The following NPTN variants were observed in gnomAD, a reference collection of about 807,000 sequenced individuals.
The protein encoded by NPTN is SDR-1.
Under a neutral mutation model 42.7 loss-of-function variants are expected in NPTN, and 5 were observed. That is an observed-to-expected ratio of 0.12 (90% CI 0.06 to 0.25). NPTN has a LOEUF of 0.25. Ranked by LOEUF, NPTN falls within the 10% of genes least tolerant of loss-of-function variation. The probability of loss-of-function intolerance (pLI) is 1.00; values close to 1 mark genes in which losing one functional copy is unlikely to be tolerated. For synonymous variants in NPTN, 180 were observed against 201.9 expected (o/e 0.89, Z 0.92); for missense variants, 307 against 525.4 (o/e 0.58, Z 4.06).
At chr15:73,567,194 C>T in intron 6 of NPTN, 5 of 985,198 alleles carry the variant, frequency 5.1e-6, no homozygotes, top group Non-Finnish European at 6.0e-6. Context: ...TTACCAAGAA[C>T]TCACAGACTG....
intron 3 of NPTN, among the ~76,000 whole-genome samples, chr15:73,591,193 C>T (rs1333563982): frequency 6.6e-6 from 1 of 152,182 alleles, no homozygotes; most frequent in Non-Finnish European, 1.5e-5. Flanking sequence ...CTGCAATATC[C>T]TGCAGAATGC....
chr15:73,607,546 C>CT (rs1491508158), intron 1 of NPTN, among the ~76,000 whole-genome samples: 1 of 152,094 alleles, frequency 6.6e-6, no homozygotes, highest in Non-Finnish European at 1.5e-5. Flanking sequence ...TTCTCCCCAC[C>CT]TTTTTTTAAA....
rs774310451 is a variant in NPTN at position 73,569,983 on chromosome 15, A to G, written c.1114+167T>C. ...TAAAAATAAAATAAAAATAAAAAAT[A>G]AAAATAAAAAACTCTTACGGGTAGG... On this transcript the variant is annotated intron_variant, in intron 6 of 8. Coordinates refer to ENST00000345330, the MANE Select transcript of NPTN (RefSeq NM_012428.4). The surrounding 1 kb of genome is among the most constrained non-coding windows in gnomAD (Gnocchi z 4.1). Among the ~76,000 whole-genome samples, 1 of 152,166 alleles carries G rather than the reference A, an allele frequency of 6.6e-6. No homozygotes were observed. The highest frequency in any genetic ancestry group is 1.5e-5 in the Non-Finnish European group (1 of 68,026).
At chr15:73,579,182 G>A (rs1242807545) in intron 4 of NPTN, among the ~76,000 whole-genome samples, 1 of 151,208 alleles carries the variant, frequency 6.6e-6, no homozygotes, top group African/African-American at 2.4e-5. Flanking sequence ...GGGAGGCTGA[G>A]GCAGGAGAAT....
chr15:73,569,543 G>A lies in NPTN; in HGVS notation c.1114+607C>T. 1 of 985,422 alleles carries A rather than the reference G, an allele frequency of 1.0e-6. No individual in the cohort carries two copies. The highest frequency in any genetic ancestry group is 1.2e-6 in the Non-Finnish European group (1 of 829,932). The allele number at this position is 985,422 out of a possible 1,614,324, so 61.0% of individuals were successfully genotyped here. A position where few individuals can be genotyped will look rare whatever the true frequency, so the allele number is the denominator to read the frequency against. On this transcript the variant is annotated intron_variant, in intron 6 of 8. Coordinates refer to ENST00000345330, the MANE Select transcript of NPTN (RefSeq NM_012428.4). This position sits in a 1 kb window ranked among gnomAD's most constrained non-coding sequence, Gnocchi z 4.1. ...ACATCAGACTCTCCTTTGTCTGTGA[G>A]ACACAGATGGAAAGCCACCCAGCAG...
Position 73,569,925 on chromosome 15 carries a change from A to C in NPTN, c.1114+225T>G. 2.5e-5 allele frequency: 12 copies of C among 479,594 alleles called. No individual in the cohort carries two copies. Among genetic ancestry groups the C allele is most frequent in the Non-Finnish European group, 3.3e-5 (12 of 367,814 alleles). The allele number at this position is 479,594 out of a possible 1,614,324, so 29.7% of individuals were successfully genotyped here. ...AACACCCAAACAGAGGGAGAGAGCT[A>C]AGGACAGCTCTAGATGGCTAATGCA... is the stretch of plus-strand genomic sequence containing the variant. On this transcript the variant is annotated intron_variant, in intron 6 of 8. Coordinates refer to ENST00000345330, the MANE Select transcript of NPTN (RefSeq NM_012428.4). The surrounding 1 kb of genome is among the most constrained non-coding windows in gnomAD (Gnocchi z 4.1).
rs150223428 is a variant in NPTN, at chr15:73,592,046, G to A, written c.531C>T (p.His177=). The change falls in exon 3 of 9, where the codon CAC becomes CAT. Residue 177 remains histidine, a synonymous_variant. Transcript: ENST00000345330. ...TTGTCCAGTAGCTGTATGTAAGGGT[G>A]TGAGAGCTGGAGGTGAGGTTACACT... ...TLQCNLTSSS[H]TLTYSYWTKN... The A allele has an allele frequency of 1.3e-4, 202 of 1,614,134 alleles. No homozygotes were observed. In the African/African-American group the frequency reaches 2.5e-3, roughly 20 times the overall value.
At position 73,606,520 on chromosome 15, in the gene NPTN, T is replaced by C. The variant is rs78488076; in HGVS notation, c.92-9151A>G. On this transcript the variant is annotated intron_variant, in intron 1 of 8. Transcript: ENST00000345330. Reference sequence around the variant, plus strand: ...ATAAGCTATATCTTAAAGAGAGTTATTAATGAAAGGTCTGGTTCAAATATG... The same window carrying C: ...ATAAGCTATATCTTAAAGAGAGTTACTAATGAAAGGTCTGGTTCAAATATG... Among the ~76,000 whole-genome samples the C allele has an allele frequency of 5.8e-3, 887 of 152,268 alleles. 6 individuals are homozygous for C. The highest frequency in any genetic ancestry group is 0.02 in the African/African-American group (845 of 41,548).
intron 1 of NPTN, among the ~76,000 whole-genome samples, chr15:73,623,595 G>A (rs1898243243): frequency 6.6e-6 from 1 of 152,190 alleles, no homozygotes. Context: ...GCTGAGGCAG[G>A]AGGATCACCT....
intron 7 of NPTN, among the ~76,000 whole-genome samples, chr15:73,562,989 G>GAAA (rs200404677): frequency 2.8e-5 from 4 of 142,872 alleles, no homozygotes; most frequent in African/African-American, 1.0e-4. Flanking sequence ...CACAAAATTT[G>GAAA]AAAAAAAAAA....
intron 3 of NPTN, among the ~76,000 whole-genome samples, chr15:73,589,924 A>C (rs1386890173): frequency 6.6e-6 from 1 of 151,860 alleles, no homozygotes; most frequent in Non-Finnish European, 1.5e-5. Context: ...GAGTTTGAGG[A>C]AGGAGCAGCA....
At chr15:73,593,437 T>C (rs530167372) in intron 2 of NPTN, among the ~76,000 whole-genome samples, 2 of 152,330 alleles carry the variant, frequency 1.3e-5, no homozygotes, top group Non-Finnish European at 1.5e-5. Flanking sequence ...TCAGAAACCC[T>C]TGACTGACTT....
At position 73,569,082 on chromosome 15, in the gene NPTN, C is replaced by T. The variant is rs1895217773; in HGVS notation, c.1114+1068G>A. On this transcript the variant is annotated intron_variant, in intron 6 of 8. Transcript: ENST00000345330. This position sits in a 1 kb window ranked among gnomAD's most constrained non-coding sequence, Gnocchi z 4.1. ...AGGCCCCAGAACAGCTGGACTACAG[C>T]TGGCAACCCCACCATCACCCCGGGT... 2 of 985,768 alleles carry T rather than the reference C, an allele frequency of 2.0e-6. No individual in the cohort carries two copies. 61.1% of individuals were successfully genotyped at this position (985,768 alleles called of 1,614,324 possible). A position where few individuals can be genotyped will look rare whatever the true frequency, so the allele number is the denominator to read the frequency against.
intron 4 of NPTN, among the ~76,000 whole-genome samples, chr15:73,579,805 T>C (rs917871296): frequency 1.3e-5 from 2 of 152,130 alleles, no homozygotes; most frequent in African/African-American, 4.8e-5. Flanking sequence ...GAGTGAGCTG[T>C]ACACATGGAG....
intron 6 of NPTN, among the ~76,000 whole-genome samples, chr15:73,564,623 A>G (rs745417090): frequency 4.6e-5 from 7 of 152,192 alleles, no homozygotes; most frequent in Non-Finnish European, 8.8e-5. Context: ...ACTTAAGGAC[A>G]CCCAAGACAT....
chr15:73,619,348 T>C (rs1898017264), intron 1 of NPTN, among the ~76,000 whole-genome samples: 1 of 152,152 alleles, frequency 6.6e-6, no homozygotes, highest in South Asian at 2.1e-4. Flanking sequence ...CAAGAAAATG[T>C]AAAACTTTCA....
intron 1 of NPTN, among the ~76,000 whole-genome samples, chr15:73,600,832 T>A (rs1470375833): frequency 6.6e-6 from 1 of 152,162 alleles, no homozygotes; most frequent in Non-Finnish European, 1.5e-5. Flanking sequence ...GTCAAAGAGT[T>A]CTTAAAGCAA....
In NPTN at chr15:73,596,944, G is replaced by A. The variant is rs1896861486; in HGVS notation, c.439+78C>T. The A allele has an allele frequency of 5.0e-6, 6 of 1,195,024 alleles. No homozygotes were observed. In the East Asian group the frequency reaches 1.5e-4, roughly 30 times the overall value. The allele number at this position is 1,195,024 out of a possible 1,614,324, so 74.0% of individuals were successfully genotyped here. ...GGTGAGTGATCATACTGGGGAAGAG[G>A]GAAAGGATGCAGAAGGGAAGGGTCA... On this transcript the variant is annotated intron_variant, in intron 2 of 8. Coordinates refer to ENST00000345330, the MANE Select transcript of NPTN (RefSeq NM_012428.4).
intron 1 of NPTN, among the ~76,000 whole-genome samples, chr15:73,618,964 C>T (rs936617386): frequency 6.7e-6 from 1 of 150,242 alleles, no homozygotes; most frequent in Non-Finnish European, 1.5e-5. Context: ...GACACTGAGA[C>T]AGGACGATTG....
Sources: allele counts gnomAD v4.1 joint callset (sites outside exome capture counted in the v4.1 genomes callset), GRCh38; gene constraint gnomAD v4.1.1; non-coding constraint Gnocchi (gnomAD v3.1); transcripts MANE v1.5; gene names NCBI Gene and HGNC (gene_info 2026-07-23, HGNC 2026-07-21).